ZNF385C: variants seen among roughly 807,000 people sequenced by gnomAD.
The protein encoded by ZNF385C is zinc finger protein 385C.
ZNF385C carries 28 observed loss-of-function variants against 35.4 expected under a neutral mutation model. The observed-to-expected ratio is 0.79, with a 90% CI of 0.59 to 1.08. The LOEUF is 1.08. Ranked by LOEUF, ZNF385C falls within the 50% of genes least tolerant of loss-of-function variation. ZNF385C has a pLI of 0.00. For missense variants in ZNF385C, 605 were observed against 595.6 expected (o/e 1.02, Z -0.16); for synonymous variants, 248 against 248.2 (o/e 1.00, Z 0.01).
intron 5 of ZNF385C, among the ~76,000 whole-genome samples, chr17:42,030,159 T>G (rs893164241): frequency 2.0e-5 from 3 of 151,864 alleles, no homozygotes; most frequent in Non-Finnish European, 4.4e-5. Context: ...CTTACAGATA[T>G]AATGAATGTT....
At position 42,025,701 on chromosome 17, in the gene ZNF385C, A is replaced by C. The variant is rs188135054; in HGVS notation, c.*1196T>G. 1.4e-3 allele frequency: 213 copies of C among 152,740 alleles called. 2 individuals carry two copies. The highest frequency in any genetic ancestry group is 2.7e-3 in the East Asian group (14 of 5,186). The allele number at this position is 152,740 out of a possible 1,614,324, so 9.5% of individuals were successfully genotyped here. A position where few individuals can be genotyped will look rare whatever the true frequency, so the allele number is the denominator to read the frequency against. ...ATTGGAAATGTCTTTAAAAAACAAAAAAAAGATACAGGGGGATACTGGCAG... is the reference window on the plus strand; with the variant it reads ...ATTGGAAATGTCTTTAAAAAACAAACAAAAGATACAGGGGGATACTGGCAG... On this transcript the variant is annotated 3_prime_UTR_variant, in exon 9 of 9. Transcript: ENST00000692273.
chr17:42,028,088 A>G lies in ZNF385C; in HGVS notation c.1126T>C (p.Cys376Arg). 1 of 1,613,428 alleles carries G rather than the reference A, an allele frequency of 6.2e-7. No individual in the cohort carries two copies. Among genetic ancestry groups the G allele is most frequent in the Non-Finnish European group, 8.5e-7 (1 of 1,179,792 alleles). ...GTCTCTGAATTGACCTGGAGCTGAC[A>G]GAGAGCACAGTGGAAGGCAGGGCTG... ...GPSPAFHCAL[C>R]QLQVNSETQL... Residue 376 changes from cysteine (C) to arginine (R), a missense_variant, in exon 7 of 9, where the codon TGT becomes CGT. Transcript: ENST00000692273.
chr17:42,031,487 A>G (rs1356836431), intron 5 of ZNF385C, 132 bp downstream of exon 5: 10 of 1,176,934 alleles, frequency 8.5e-6, no homozygotes, highest in Non-Finnish European at 1.2e-5. Context: ...GGCGTGGTAC[A>G]CTTGTGTGCC....
At chr17:42,062,451 CG>C (rs2053476709) in intron 2 of ZNF385C, 1 of 193,990 alleles carries the variant, frequency 5.2e-6, no homozygotes, top group Non-Finnish European at 1.0e-5. Flanking sequence ...ACCCCCACCC[CG>C]CAGATGAGGC....
At chr17:42,040,548 G>C (rs1555656021) in intron 2 of ZNF385C, 1 of 1,232,984 alleles carries the variant, frequency 8.1e-7, no homozygotes, top group Admixed American at 4.2e-5. Flanking sequence ...CCACGAAGGT[G>C]AACTGGCGCA....
rs1555654655 is a variant in ZNF385C at position 42,028,875 on chromosome 17, C to T, written c.875G>A (p.Ser292Asn). 2 of 1,550,636 alleles carry T rather than the reference C, an allele frequency of 1.3e-6. No homozygotes were observed. ...PAAAAVGSSMSGEGRSEKGHL... is the reference protein window; with the variant it reads ...PAAAAVGSSMNGEGRSEKGHL... ...CCCCTTCTCACTCCTGCCTTCCCCA[C>T]TCATGCTGCTTCCCACGGCAGCTGC... Residue 292 changes from serine to asparagine, a missense_variant, in exon 6 of 9, where the codon AGT becomes AAT. Ser to Asn is a conservative substitution (Grantham distance 46, BLOSUM62 1). Coordinates refer to ENST00000692273, the MANE Select transcript of ZNF385C (RefSeq NM_001392013.1).
chr17:42,040,116 C>G (rs1215516959), intron 2 of ZNF385C: 1 of 1,231,276 alleles, frequency 8.1e-7, no homozygotes, highest in African/African-American at 1.6e-5. Flanking sequence ...CCCGCAGCGC[C>G]CCCTCGCCAT....
intron 5 of ZNF385C, among the ~76,000 whole-genome samples, chr17:42,031,388 G>T (rs1340831669): frequency 1.3e-5 from 2 of 152,178 alleles, no homozygotes; most frequent in Non-Finnish European, 2.9e-5. Flanking sequence ...ATACTTCAAG[G>T]TAATGACCAG....
At chr17:42,078,896 C>T (rs541364486) in intron 1 of ZNF385C, among the ~76,000 whole-genome samples, 5 of 152,104 alleles carry the variant, frequency 3.3e-5, no homozygotes, top group South Asian at 2.1e-4. Context: ...AATGTGTTTA[C>T]GTTGCAACTT....
At chr17:42,089,697 A>G (rs1337918712) in intron 1 of ZNF385C, among the ~76,000 whole-genome samples, 3 of 152,236 alleles carry the variant, frequency 2.0e-5, no homozygotes, top group African/African-American at 7.2e-5. Flanking sequence ...TACCCAGTCA[A>G]TCACACAATG....
At chr17:42,096,801 A>C (rs2053921966) in intron 1 of ZNF385C, among the ~76,000 whole-genome samples, 1 of 148,842 alleles carries the variant, frequency 6.7e-6, no homozygotes, top group Admixed American at 6.7e-5. Context: ...GGGCGGGGGG[A>C]CTCTCTCCCC....
intron 1 of ZNF385C, among the ~76,000 whole-genome samples, chr17:42,074,848 G>A (rs893490825): frequency 6.6e-6 from 1 of 152,240 alleles, no homozygotes; most frequent in African/African-American, 2.4e-5. Flanking sequence ...AATTGCAGTT[G>A]TTCAGACTTG....
intron 1 of ZNF385C, among the ~76,000 whole-genome samples, chr17:42,080,376 G>C (rs1462372289): frequency 1.3e-5 from 2 of 152,202 alleles, no homozygotes; most frequent in African/African-American, 4.8e-5. Flanking sequence ...AAGTCTCCCT[G>C]ACCCTCCCTT....
chr17:42,070,019 G>A (rs2053601828), intron 1 of ZNF385C, among the ~76,000 whole-genome samples: 1 of 151,856 alleles, frequency 6.6e-6, no homozygotes, highest in Non-Finnish European at 1.5e-5. Flanking sequence ...TCCAGCCCCA[G>A]AGACAATGAA....
rs1555655015 is a variant in ZNF385C at position 42,031,661 on chromosome 17, G to A, written c.634C>T (p.Pro212Ser). 1 of 1,550,640 alleles carries A rather than the reference G, an allele frequency of 6.4e-7. No homozygotes were observed. The highest frequency in any genetic ancestry group is 2.0e-5 in the Admixed American group (1 of 51,002). The stretch of plus-strand genomic sequence containing the variant: ...CCAGGGGCTCCACTGGCCAGCGTTG[G>A]GATTGGGGACACTACAGCCCCATCC... ...AQDGAVVSPI[P>S]TLASGAPGEP... The change falls in exon 5 of 9, where the codon CCA (proline) becomes TCA (serine). Residue 212 changes from proline (P) to serine (S), a missense_variant. Transcript: ENST00000692273.
intron 2 of ZNF385C, chr17:42,040,106 C>T (rs1261742435): frequency 8.1e-7 from 1 of 1,231,334 alleles, no homozygotes. Context: ...CGCAGCAGCA[C>T]CCGCAGCGCC....
chr17:42,077,227 C>T (rs1433905361), intron 1 of ZNF385C, among the ~76,000 whole-genome samples: 1 of 152,220 alleles, frequency 6.6e-6, no homozygotes, highest in Non-Finnish European at 1.5e-5. Context: ...AGGCAAGTTA[C>T]TTCCCCTCTC....
chr17:42,033,682 G>A (rs868916820), intron 4 of ZNF385C, among the ~76,000 whole-genome samples: 3 of 152,204 alleles, frequency 2.0e-5, no homozygotes, highest in African/African-American at 4.8e-5. Flanking sequence ...GAACCCTGGA[G>A]GTGGAGGCTG....
At chr17:42,079,909 C>T (rs2053730829) in intron 1 of ZNF385C, among the ~76,000 whole-genome samples, 1 of 152,178 alleles carries the variant, frequency 6.6e-6, no homozygotes, top group African/African-American at 2.4e-5. Flanking sequence ...GGTGCCCATC[C>T]CCATGTCCAG....
Sources: allele counts gnomAD v4.1 joint callset (sites outside exome capture counted in the v4.1 genomes callset), GRCh38; gene constraint gnomAD v4.1.1; transcripts MANE v1.5; gene names NCBI Gene and HGNC (gene_info 2026-07-23, HGNC 2026-07-21).